Variants in DCDC2 observed in about 807,000 individuals in gnomAD.
DCDC2 encodes the protein doublecortin domain containing 2.
Under a neutral mutation model 50.2 loss-of-function variants are expected in DCDC2, and 40 were observed. The ratio of observed to expected loss-of-function variants is 0.80; its 90% confidence interval spans 0.62 to 1.04. The LOEUF (loss-of-function observed/expected upper bound fraction) is 1.04, where lower values mean the gene tolerates loss of function less well. DCDC2 is among the 50% of genes least tolerant of loss of function. DCDC2 has a pLI of 0.00. For missense variants in DCDC2, 570 were observed against 581.9 expected (o/e 0.98, Z 0.21); for synonymous variants, 234 against 210.6 (o/e 1.11, Z -0.96).
At chr6:24,225,762 T>C (rs1223191534) in intron 7 of DCDC2, among the ~76,000 whole-genome samples, 1 of 152,246 alleles carries the variant, frequency 6.6e-6, no homozygotes, top group East Asian at 1.9e-4. Context: ...TTGATAGGTC[T>C]GAAATTATTT....
intron 8 of DCDC2, among the ~76,000 whole-genome samples, chr6:24,188,367 C>G (rs1447848895): frequency 6.6e-6 from 1 of 152,112 alleles, no homozygotes; most frequent in African/African-American, 2.4e-5. Flanking sequence ...TTAAAAGTTA[C>G]CAATTTACTG....
chr6:24,347,493 A>G (rs1760288956), intron 2 of DCDC2, among the ~76,000 whole-genome samples: 1 of 152,262 alleles, frequency 6.6e-6, no homozygotes, highest in African/African-American at 2.4e-5. Context: ...TTTAAAAATG[A>G]CATAAAAAAT....
At chr6:24,338,237 T>C (rs1479356843) in intron 2 of DCDC2, among the ~76,000 whole-genome samples, 1 of 152,208 alleles carries the variant, frequency 6.6e-6, no homozygotes, top group East Asian at 1.9e-4. Context: ...TACACACACA[T>C]GTGCACATGC....
intron 1 of DCDC2, among the ~76,000 whole-genome samples, chr6:24,356,696 G>A (rs1362368266): frequency 6.6e-6 from 1 of 152,124 alleles, no homozygotes; most frequent in Admixed American, 6.5e-5. Context: ...TTAGTGTGCA[G>A]GTAGTCCAGT....
intron 1 of DCDC2, among the ~76,000 whole-genome samples, chr6:24,353,994 T>C (rs572080557): frequency 3.9e-5 from 6 of 152,318 alleles, no homozygotes; most frequent in South Asian, 4.1e-4. Context: ...ATACAGGCTT[T>C]AGGTCAAAGG....
At chr6:24,300,091 A>C (rs980807715) in intron 4 of DCDC2, among the ~76,000 whole-genome samples, 6 of 150,994 alleles carry the variant, frequency 4.0e-5, no homozygotes, top group Admixed American at 6.6e-5. Flanking sequence ...ATTTCCATTT[A>C]ATGTTTTTAA....
intron 2 of DCDC2, among the ~76,000 whole-genome samples, chr6:24,308,687 A>G (rs982300203): frequency 6.6e-6 from 1 of 152,212 alleles, no homozygotes; most frequent in African/African-American, 2.4e-5. Context: ...TTCAGTAGAA[A>G]AGGTGGAAAA....
At chr6:24,309,452 A>G (rs9467106) in intron 2 of DCDC2, among the ~76,000 whole-genome samples, 6,070 of 152,316 alleles carry the variant, frequency 0.04, 127 homozygotes, top group South Asian at 0.063. Flanking sequence ...TTAAAGATAA[A>G]TGGAATTACA....
chr6:24,290,847 T>C, intron 5 of DCDC2, 85 bp downstream of exon 5: 1 of 1,179,900 alleles, frequency 8.5e-7, no homozygotes, highest in South Asian at 1.6e-5. Context: ...ATCAATTACA[T>C]AAAATATAAT....
At chr6:24,177,181 A>G (rs188722217) in intron 9 of DCDC2, among the ~76,000 whole-genome samples, 312 of 152,358 alleles carry the variant, frequency 2.0e-3, no homozygotes, top group African/African-American at 7.1e-3. Context: ...AATGACGCTG[A>G]GGACTATGTA....
intron 7 of DCDC2, among the ~76,000 whole-genome samples, chr6:24,241,608 T>A (rs540115875): frequency 6.6e-6 from 1 of 152,334 alleles, no homozygotes; most frequent in South Asian, 2.1e-4. Context: ...AAACCACTAT[T>A]TTTCCATATT....
the DCDC2 span, among the ~76,000 whole-genome samples, chr6:24,365,358 C>G: frequency 6.6e-6 from 1 of 152,242 alleles, no homozygotes; most frequent in African/African-American, 2.4e-5. Context: ...ACGGCATGAT[C>G]TCGGCTTACT....
At chr6:24,251,337 G>T (rs1354118567) in intron 7 of DCDC2, among the ~76,000 whole-genome samples, 3 of 152,150 alleles carry the variant, frequency 2.0e-5, no homozygotes, top group African/African-American at 7.2e-5. Context: ...AGAGCTTGCT[G>T]TGCTTTTCCT....
rs182257106 is a variant in DCDC2 at position 24,281,272 on chromosome 6, G to A, written c.760-3061C>T. ...AATAACTACTTTCCAGGAACTTTGT[G>A]AGTAAAAAGTAAACTAAACTAAGAC... On this transcript the variant is annotated intron_variant, in intron 6 of 9. Coordinates refer to ENST00000378454, the MANE Select transcript of DCDC2 (RefSeq NM_016356.5). Among the ~76,000 whole-genome samples the A allele has an allele frequency of 6.5e-3, 984 of 151,976 alleles. 7 individuals carry two copies. Among genetic ancestry groups the A allele is most frequent in the African/African-American group, 0.023 (933 of 41,464 alleles).
intron 7 of DCDC2, among the ~76,000 whole-genome samples, chr6:24,241,755 G>A (rs548431366): frequency 6.6e-6 from 1 of 152,264 alleles, no homozygotes; most frequent in South Asian, 2.1e-4. Context: ...AACCTGTGAT[G>A]GTTTACTGTA....
At chr6:24,200,240 AT>A (rs1025652309) in intron 8 of DCDC2, among the ~76,000 whole-genome samples, 1 of 152,226 alleles carries the variant, frequency 6.6e-6, no homozygotes, top group African/African-American at 2.4e-5. Flanking sequence ...GAAGGAAAAA[AT>A]GTTAAGGGCA....
chr6:24,312,151 C>T (rs1358040142), intron 2 of DCDC2, among the ~76,000 whole-genome samples: 1 of 138,110 alleles, frequency 7.2e-6, no homozygotes, highest in Non-Finnish European at 1.5e-5. Context: ...AAGAGAACAA[C>T]TCCCCTTAAC....
chr6:24,359,900 C>A (rs1263263933), upstream of DCDC2, among the ~76,000 whole-genome samples: 6 of 152,196 alleles, frequency 3.9e-5, no homozygotes, highest in African/African-American at 1.4e-4. Context: ...CAGCAGGCAG[C>A]GCGCAAGCGG....
the DCDC2 span, among the ~76,000 whole-genome samples, chr6:24,374,516 G>T: frequency 2.2e-5 from 3 of 137,344 alleles, no homozygotes; most frequent in African/African-American, 8.3e-5. Flanking sequence ...GGAGGTGGAG[G>T]TTGCAGTGAA....
Sources: gnomAD v4.1 joint callset for allele counts (sites outside exome capture counted in the v4.1 genomes callset) on GRCh38, gnomAD v4.1.1 for gene constraint, MANE v1.5 for transcripts, NCBI Gene and HGNC (gene_info 2026-07-23, HGNC 2026-07-21) for gene names.